DLGAP2: variants seen among roughly 807,000 people sequenced by gnomAD.
DLGAP2 encodes the protein disks large-associated protein 2.
A neutral mutation model predicts 100.3 loss-of-function variants in DLGAP2; 26 were observed. That is an observed-to-expected ratio of 0.26 (90% CI 0.19 to 0.36). The LOEUF (loss-of-function observed/expected upper bound fraction) is 0.36, where lower values mean the gene tolerates loss of function less well. DLGAP2 is among the 10% of genes least tolerant of loss of function. The pLI, the probability that DLGAP2 is intolerant of heterozygous loss-of-function variation, is 1.00. For missense variants in DLGAP2, 1,858 were observed against 1,453.2 expected, an observed-to-expected ratio of 1.28 and a Z score of -4.53; for synonymous variants, 886 against 630.1, an observed-to-expected ratio of 1.41 and a Z score of -6.08.
chr8:1,618,691 TA>T (rs1797234538), intron 6 of DLGAP2, among the ~76,000 whole-genome samples: 3 of 152,184 alleles, frequency 2.0e-5, no homozygotes, highest in Admixed American at 2.0e-4. Context: ...CATATAAGAA[TA>T]GAAAAGGGTC....
chr8:1,267,272 A>G (rs1260249770), intron 3 of DLGAP2, among the ~76,000 whole-genome samples: 1 of 148,216 alleles, frequency 6.7e-6, no homozygotes, highest in Non-Finnish European at 1.5e-5. Flanking sequence ...ATAAAATAAA[A>G]TAAAATAAAA....
At chr8:758,663 G>A in intron 1 of DLGAP2, among the ~76,000 whole-genome samples, 1 of 152,110 alleles carries the variant, frequency 6.6e-6, no homozygotes, top group East Asian at 1.9e-4. Flanking sequence ...CTGGGCTCAG[G>A]TGATTCTCCC....
At chr8:1,267,591 G>T (rs13281972) in intron 3 of DLGAP2, among the ~76,000 whole-genome samples, 2,205 of 92,426 alleles carry the variant, frequency 0.024, 192 homozygotes, top group African/African-American at 0.084. Flanking sequence ...AATAAAATAA[G>T]ATAAGATAAG....
chr8:1,309,551 G>A (rs752483283), intron 3 of DLGAP2, among the ~76,000 whole-genome samples: 3 of 152,196 alleles, frequency 2.0e-5, no homozygotes, highest in Non-Finnish European at 4.4e-5. Flanking sequence ...CAGATAAACG[G>A]AACTTGAGAC....
rs889519457 is a variant in DLGAP2 at position 1,707,672 on chromosome 8, C to T, written c.*6266C>T. ...ATCCCCCGACCTTCCATACTACAGA[C>T]CAAAATACCCAGGTGTGGCCTAAGG... On this transcript the variant is annotated 3_prime_UTR_variant, in exon 15 of 15. Coordinates refer to ENST00000637795, the MANE Select transcript of DLGAP2 (RefSeq NM_001346810.2). The T allele has an allele frequency of 6.6e-6, 1 of 152,126 alleles. No homozygotes were observed. The highest frequency in any genetic ancestry group is 1.5e-5 in the Non-Finnish European group (1 of 68,028). 9.4% of individuals were successfully genotyped at this position (152,126 alleles called of 1,614,324 possible).
intron 2 of DLGAP2, among the ~76,000 whole-genome samples, chr8:913,614 A>C (rs1798533499): frequency 6.6e-6 from 1 of 152,240 alleles, no homozygotes; most frequent in Non-Finnish European, 1.5e-5. Context: ...TTTCCAGTTT[A>C]TAAGGTGCTT....
At position 1,702,421 on chromosome 8, in the gene DLGAP2, A is replaced by G. The variant is rs761056806; in HGVS notation, c.*1015A>G. 14 of 152,520 alleles carry G rather than the reference A, an allele frequency of 9.2e-5. 1 individual carries two copies. The highest frequency in any genetic ancestry group is 1.2e-4 in the Non-Finnish European group (8 of 68,046). The allele number at this position is 152,520 out of a possible 1,614,324, so 9.4% of individuals were successfully genotyped here. A position where few individuals can be genotyped will look rare whatever the true frequency, so the allele number is the denominator to read the frequency against. On this transcript the variant is annotated 3_prime_UTR_variant, in exon 15 of 15. Transcript: ENST00000637795. ...TTGTTTAAAATGACAGTTGTGATGT[A>G]AAAAGTTTAAGAAATATGAATGTGA...
intron 3 of DLGAP2, among the ~76,000 whole-genome samples, chr8:1,346,803 T>C (rs1801570332): frequency 6.6e-6 from 1 of 151,638 alleles, no homozygotes; most frequent in Non-Finnish European, 1.5e-5. Context: ...TCATGGTAGA[T>C]GTGTGGAGGT....
At chr8:1,197,670 ACCAG>A in intron 2 of DLGAP2, among the ~76,000 whole-genome samples, 1 of 66,404 alleles carries the variant, frequency 1.5e-5, no homozygotes, top group Non-Finnish European at 2.8e-5. Context: ...CATCTGGGCC[ACCAG>A]CTGTCCATAT....
chr8:1,417,634 G>GT (rs1301971987), intron 3 of DLGAP2, among the ~76,000 whole-genome samples: 3 of 146,936 alleles, frequency 2.0e-5, no homozygotes, highest in South Asian at 2.2e-4. Flanking sequence ...GCCGCCTCCA[G>GT]GGGGGCACGG....
At chr8:1,622,744 A>G (rs1285990146) in intron 6 of DLGAP2, among the ~76,000 whole-genome samples, 1 of 152,222 alleles carries the variant, frequency 6.6e-6, no homozygotes, top group Non-Finnish European at 1.5e-5. Flanking sequence ...CTGAGCTACT[A>G]AGTCCATATA....
At chr8:875,689 A>G (rs1265964393) in intron 1 of DLGAP2, among the ~76,000 whole-genome samples, 1 of 152,124 alleles carries the variant, frequency 6.6e-6, no homozygotes, top group Non-Finnish European at 1.5e-5. Flanking sequence ...ATAGTCTCAT[A>G]CCTTTTTTAT....
chr8:915,520 C>T (rs1044739818), intron 2 of DLGAP2, among the ~76,000 whole-genome samples: 2 of 151,292 alleles, frequency 1.3e-5, no homozygotes, highest in Non-Finnish European at 2.9e-5. Context: ...GCACTCCAGC[C>T]TGGGCGACAG....
intron 1 of DLGAP2, among the ~76,000 whole-genome samples, chr8:797,174 G>T (rs1016062204): frequency 2.6e-5 from 4 of 152,160 alleles, no homozygotes; most frequent in Non-Finnish European, 5.9e-5. Flanking sequence ...AGAAGAAGAC[G>T]TCCCGTCATC....
intron 3 of DLGAP2, among the ~76,000 whole-genome samples, chr8:1,381,782 A>AGTGTGTGTCT (rs1554456596): frequency 1.4e-5 from 2 of 141,694 alleles, no homozygotes; most frequent in African/African-American, 5.3e-5. Flanking sequence ...GGGTTATTCT[A>AGTGTGTGTCT]GTGTGTGTGT....
chr8:813,994 G>A (rs533299568), intron 1 of DLGAP2, among the ~76,000 whole-genome samples: 10 of 152,052 alleles, frequency 6.6e-5, no homozygotes, highest in Non-Finnish European at 1.3e-4. Context: ...AAAACATACT[G>A]AATTTTAATT....
intron 7 of DLGAP2, among the ~76,000 whole-genome samples, chr8:1,631,855 C>G (rs1797654983): frequency 6.6e-6 from 1 of 152,224 alleles, no homozygotes; most frequent in African/African-American, 2.4e-5. Flanking sequence ...CGTGTTGTGT[C>G]AACAACACAA....
intron 12 of DLGAP2, among the ~76,000 whole-genome samples, chr8:1,684,965 G>A (rs527404027): frequency 6.6e-6 from 1 of 152,210 alleles, no homozygotes; most frequent in African/African-American, 2.4e-5. Context: ...TAACCTACAT[G>A]TTCACCGGGT....
intron 2 of DLGAP2, among the ~76,000 whole-genome samples, chr8:1,249,901 G>A (rs1005651045): frequency 6.6e-6 from 1 of 151,944 alleles, no homozygotes; most frequent in Non-Finnish European, 1.5e-5. Context: ...TTTTTTTTGA[G>A]AGAGAGTCTT....
Sources: allele counts gnomAD v4.1 joint callset (sites outside exome capture counted in the v4.1 genomes callset), GRCh38; gene constraint gnomAD v4.1.1; transcripts MANE v1.5; gene names NCBI Gene and HGNC (gene_info 2026-07-23, HGNC 2026-07-21).